The following LOXHD1 variants were observed in gnomAD, a reference collection of about 807,000 sequenced individuals.
LOXHD1 encodes lipoxygenase homology domain-containing protein 1.
Under a neutral mutation model 248.2 loss-of-function variants are expected in LOXHD1, and 205 were observed. The observed-to-expected ratio is 0.83, with a 90% confidence interval of 0.74 to 0.93. LOXHD1 has a LOEUF of 0.93. Among genes scored for constraint, LOXHD1 ranks in the 40% least tolerant of loss-of-function variants. The pLI is 0.00. For synonymous variants in LOXHD1, 1,113 were observed against 1,162.8 expected, an observed-to-expected ratio of 0.96 and a Z score of 0.87; for missense variants, 2,930 against 2,971.6, an observed-to-expected ratio of 0.99 and a Z score of 0.33.
At chr18:46,505,560 A>T (rs2034509610) in intron 37 of LOXHD1, among the ~76,000 whole-genome samples, 1 of 152,228 alleles carries the variant, frequency 6.6e-6, no homozygotes, top group Non-Finnish European at 1.5e-5. Context: ...TAAAGCCTGA[A>T]CTAAGTCAAA....
In LOXHD1 at chr18:46,485,855, TTCTC is replaced by T. The variant is rs561493843; in HGVS notation, c.6050-708_6050-705del. On this transcript the variant is annotated intron_variant, in intron 38 of 40. Coordinates refer to ENST00000642948, the MANE Select transcript of LOXHD1 (RefSeq NM_001384474.1). The stretch of plus-strand genomic sequence containing the variant: ...CTCTCCCACCTTGTGTCCTGGTACT[TTCTC>T]TCTTTCTCACTCCAGCCACTCTGCC... Among the ~76,000 whole-genome samples the T allele has an allele frequency of 2.4e-3, 362 of 152,034 alleles. 1 individual carries two copies. Among genetic ancestry groups the T allele is most frequent in the Non-Finnish European group, 4.6e-3 (312 of 67,962 alleles).
At chr18:46,649,486 C>T (rs777005720) in intron 1 of LOXHD1, among the ~76,000 whole-genome samples, 7 of 152,180 alleles carry the variant, frequency 4.6e-5, no homozygotes, top group Admixed American at 2.6e-4. Flanking sequence ...GTTTTGCACA[C>T]GAGGAGGCTG....
At chr18:46,540,628 A>C (rs1442933724) in intron 25 of LOXHD1, among the ~76,000 whole-genome samples, 3 of 150,150 alleles carry the variant, frequency 2.0e-5, no homozygotes, top group Non-Finnish European at 4.4e-5. Context: ...GAACATATTC[A>C]AAGTCAAACC....
intron 16 of LOXHD1, among the ~76,000 whole-genome samples, chr18:46,568,189 G>A (rs2037681274): frequency 6.6e-6 from 1 of 152,148 alleles, no homozygotes; most frequent in African/African-American, 2.4e-5. Context: ...GAAGGGGCAG[G>A]AAAGATGAGG....
At chr18:46,653,574 G>T (rs1015223907) in intron 1 of LOXHD1, among the ~76,000 whole-genome samples, 7 of 152,216 alleles carry the variant, frequency 4.6e-5, no homozygotes, top group Non-Finnish European at 1.0e-4. Flanking sequence ...CACTAATAAA[G>T]TTTCCAAGTC....
In LOXHD1 at chr18:46,581,652, C is replaced by A. The variant is rs561367985; in HGVS notation, c.1655-1868G>T. Among the ~76,000 whole-genome samples the A allele has an allele frequency of 2.0e-5, 3 of 152,174 alleles. No individual in the cohort carries two copies. The East Asian group carries it at 5.8e-4, about 29-fold the overall frequency. On this transcript the variant is annotated intron_variant, in intron 12 of 40. Coordinates refer to ENST00000642948, the MANE Select transcript of LOXHD1 (RefSeq NM_001384474.1). ...ATATTTGAACAAATAATGGTCAAAA[C>A]TTCCCAAATTTGATTTTAAAAGCAT...
intron 32 of LOXHD1, 25 bp downstream of exon 32, chr18:46,522,076 T>A (rs945309647): frequency 6.5e-7 from 1 of 1,531,004 alleles, no homozygotes; most frequent in Non-Finnish European, 8.8e-7. Flanking sequence ...GTGGTCACTA[T>A]CATGGGGCCC....
At chr18:46,533,664 C>T in intron 27 of LOXHD1, 1 of 335,980 alleles carries the variant, frequency 3.0e-6, no homozygotes, top group East Asian at 8.4e-5. Context: ...TGGCTCATGC[C>T]TGTAATCTCA....
At chr18:46,555,065 T>G (rs1275118769) in intron 21 of LOXHD1, 1 of 468,644 alleles carries the variant, frequency 2.1e-6, no homozygotes, top group Non-Finnish European at 4.4e-6. Context: ...AAAGCTATAA[T>G]AATGTTTAAA....
intron 37 of LOXHD1, among the ~76,000 whole-genome samples, chr18:46,490,331 T>C (rs1424330114): frequency 6.6e-6 from 1 of 152,176 alleles, no homozygotes; most frequent in Non-Finnish European, 1.5e-5. Context: ...GGAATACACA[T>C]TGGCGGTCCT....
intron 34 of LOXHD1, among the ~76,000 whole-genome samples, chr18:46,516,310 G>C (rs926555816): frequency 2.0e-5 from 3 of 152,230 alleles, no homozygotes; most frequent in Non-Finnish European, 4.4e-5. Flanking sequence ...AACAGTGCCT[G>C]ACATGGAATA....
intron 26 of LOXHD1, 149 bp downstream of exon 26, chr18:46,538,007 G>T (rs2036389264): frequency 3.0e-6 from 2 of 661,386 alleles, no homozygotes; most frequent in East Asian, 2.8e-5. Context: ...GATGTACTGA[G>T]GCCCAGGAAG....
At chr18:46,559,069 C>T in intron 20 of LOXHD1, 2 of 1,085,716 alleles carry the variant, frequency 1.8e-6, no homozygotes, top group South Asian at 1.3e-5. Flanking sequence ...CTACACCATA[C>T]TCACCTGCCA....
At chr18:46,549,748 G>A (rs1326085341) in intron 21 of LOXHD1, among the ~76,000 whole-genome samples, 1 of 152,152 alleles carries the variant, frequency 6.6e-6, no homozygotes, top group Non-Finnish European at 1.5e-5. Flanking sequence ...CAACATATTT[G>A]CCACATGAAA....
intron 23 of LOXHD1, 118 bp from the exon 24 acceptor site, chr18:46,542,973 A>G: frequency 7.1e-7 from 1 of 1,408,488 alleles, no homozygotes; most frequent in Non-Finnish European, 9.7e-7. Flanking sequence ...CACCAAATTT[A>G]GACTGTGCAA....
chr18:46,525,730 C>A (rs772587933), intron 29 of LOXHD1, among the ~76,000 whole-genome samples: 2 of 152,086 alleles, frequency 1.3e-5, no homozygotes, highest in Non-Finnish European at 2.9e-5. Context: ...GGACAGGTGA[C>A]ACTGAGGGAC....
rs2032126545 is a variant in LOXHD1, at chr18:46,477,660, C to G, written c.6634G>C (p.Glu2212Gln). 7.7e-6 allele frequency: 12 copies of G among 1,551,848 alleles called. No individual in the cohort carries two copies. Among genetic ancestry groups the G allele is most frequent in the Non-Finnish European group, 1.0e-5 (12 of 1,147,042 alleles). ...CGCACCTTGCGCAGCTCACCCAGCT[C>G]CAGCGTCTCCAGGAAGAAGCGGTCT... ...STDRFFLETL[E>Q]LGELRKVRLE... is the part of the protein sequence containing the mutation. Residue 2212 changes from glutamate to glutamine, a missense_variant, in exon 41 of 41, where the codon GAG (glutamate) becomes CAG (glutamine). By Grantham distance (29) the Glu-to-Gln change is conservative (BLOSUM62 2). Coordinates refer to ENST00000642948, the MANE Select transcript of LOXHD1 (RefSeq NM_001384474.1).
Position 46,546,940 on chromosome 18 carries a change from C to T in LOXHD1, c.3469G>A (p.Gly1157Ser). ...TTGTCGAGGGGGTTGTTGTCACCGCCTCCCCTACCCTCCTCGCTCTGTGGC... is the reference window on the plus strand; with the variant it reads ...TTGTCGAGGGGGTTGTTGTCACCGCTTCCCCTACCCTCCTCGCTCTGTGGC... The part of the protein sequence containing the change: ...VLPQSEEGRG[G>S]GDNNPLDNLA... Residue 1157 changes from glycine to serine, a missense_variant, in exon 22 of 41, where the codon GGC (glycine) becomes AGC (serine). Coordinates refer to ENST00000642948, the MANE Select transcript of LOXHD1 (RefSeq NM_001384474.1). 6.4e-7 allele frequency: 1 copy of T among 1,551,560 alleles called. No individual in the cohort carries two copies. Among genetic ancestry groups the T allele is most frequent in the East Asian group, 2.4e-5 (1 of 40,920 alleles).
At chr18:46,559,874 C>A (rs1366214935) in intron 19 of LOXHD1, among the ~76,000 whole-genome samples, 1 of 152,210 alleles carries the variant, frequency 6.6e-6, no homozygotes, top group African/African-American at 2.4e-5. Context: ...CTGAGAACCT[C>A]AGAACAAGCG....
Sources: allele counts gnomAD v4.1 joint callset (sites outside exome capture counted in the v4.1 genomes callset), GRCh38; gene constraint gnomAD v4.1.1; transcripts MANE v1.5; gene names NCBI Gene and HGNC (gene_info 2026-07-23, HGNC 2026-07-21).